TMEM114: variants seen among roughly 807,000 people sequenced by gnomAD.
The protein encoded by TMEM114 is claudin-26.
A neutral mutation model predicts 6.2 loss-of-function variants in TMEM114; 6 were observed. That is an observed-to-expected ratio of 0.97 (90% CI 0.53 to 1.91). The LOEUF (loss-of-function observed/expected upper bound fraction) is 1.91, where lower values mean the gene tolerates loss of function less well. TMEM114 is among the 40% of genes most tolerant of loss of function. TMEM114 has a pLI of 0.01. For missense variants in TMEM114, 218 were observed against 158.3 expected (o/e 1.38, Z -2.02); for synonymous variants, 104 against 73.0 (o/e 1.42, Z -2.16).
At position 8,584,377 on chromosome 16, in the gene TMEM114, A is replaced by G. The variant is rs530362781; in HGVS notation, c.301+4836T>C. On this transcript the variant is annotated intron_variant, in intron 2 of 3. Transcript: ENST00000620492. ...TTTGAAGACCTCCTTTCCACCAAAA[A>G]TAATTCCAGTCCCTAGCCCAAGAAA... Among the ~76,000 whole-genome samples the G allele has an allele frequency of 8.5e-5, 13 of 152,286 alleles. No homozygotes were observed. The East Asian group carries it at 1.5e-3, about 18-fold the overall frequency.
At chr16:8,579,028 G>T (rs1442880294) in intron 2 of TMEM114, among the ~76,000 whole-genome samples, 4 of 152,126 alleles carry the variant, frequency 2.6e-5, no homozygotes, top group African/African-American at 9.7e-5. Context: ...TTCATCAATG[G>T]TAAACGTGTG....
At chr16:8,528,368 G>A in the TMEM114 span, among the ~76,000 whole-genome samples, 1 of 152,064 alleles carries the variant, frequency 6.6e-6, no homozygotes, top group Non-Finnish European at 1.5e-5. Context: ...GATGTACCTG[G>A]CTCATGCACC....
chr16:8,562,526 T>TGAGTGAGTGAGCGAATGAGTGAGTGAGTG (rs1465142445), intron 2 of TMEM114, among the ~76,000 whole-genome samples: 1 of 127,142 alleles, frequency 7.9e-6, no homozygotes, highest in East Asian at 2.4e-4. Context: ...ATGAGTGAGT[T>TGAGTGAGTGAGCGAATGAGTGAGTGAGTG]AATGAGTGAG....
In TMEM114 at chr16:8,569,651, G is replaced by T; in HGVS notation, c.*122C>A. 2.1e-6 allele frequency: 3 copies of T among 1,441,090 alleles called. No homozygotes were observed. The South Asian group carries it at 4.4e-5, about 21-fold the overall frequency. 89.3% of individuals were successfully genotyped at this position (1,441,090 alleles called of 1,614,324 possible). On this transcript the variant is annotated 3_prime_UTR_variant, in exon 4 of 4. Transcript: ENST00000620492. ...AGTCCGCGGGGATTTGTGGGGGAAG[G>T]AGGGGGGTGCCTGGCCTCCCCGAGT...
chr16:8,572,017 G>T, intron 3 of TMEM114, 70 bp downstream of exon 3: 2 of 1,456,184 alleles, frequency 1.4e-6, no homozygotes, highest in East Asian at 2.5e-5. Context: ...TTTGCTGAGG[G>T]TTCATACACA....
chr16:8,572,082 C>T lies in TMEM114; in HGVS notation c.439+5G>A, dbSNP rs911652074. ...GCCAGAGCCCTAGGCAGGGTGGGCA[C>T]CTACCTCCAAAGAGGAAGAGAATTC... is the stretch of plus-strand genomic sequence containing the variant. On this transcript the variant is annotated splice_donor_5th_base_variant and intron_variant, in intron 3 of 3. Coordinates refer to ENST00000620492, the MANE Select transcript of TMEM114 (RefSeq NM_001146336.2). 6.5e-7 allele frequency: 1 copy of T among 1,540,148 alleles called. No individual in the cohort carries two copies. The highest frequency in any genetic ancestry group is 1.4e-5 in the African/African-American group (1 of 72,814).
At chr16:8,550,847 T>A (rs909649122) in intron 2 of TMEM114, among the ~76,000 whole-genome samples, 1 of 152,088 alleles carries the variant, frequency 6.6e-6, no homozygotes, top group African/African-American at 2.4e-5. Flanking sequence ...CACCCTGTGG[T>A]CCTCGCTGAA....
intron 2 of TMEM114, among the ~76,000 whole-genome samples, chr16:8,562,686 G>A (rs1234488887): frequency 6.8e-6 from 1 of 147,812 alleles, no homozygotes; most frequent in African/African-American, 2.5e-5. Flanking sequence ...ATGAGTGAGT[G>A]AGGGAATGAG....
At chr16:8,563,830 TGAGTGAGGGAGG>T in intron 2 of TMEM114, among the ~76,000 whole-genome samples, 1 of 136,850 alleles carries the variant, frequency 7.3e-6, no homozygotes, top group African/African-American at 2.8e-5. Flanking sequence ...AGTGAGTGAA[TGAGTGAGGGAGG>T]GAGGGAGGGA....
chr16:8,569,757 G>T lies in TMEM114; in HGVS notation c.*16C>A, dbSNP rs1036684849. ...GGCCAAGCCCCTCCCTCCCCTCCAC[G>T]ACCCAGCGCCCAGGCTCATATGGCC... On this transcript the variant is annotated 3_prime_UTR_variant, in exon 4 of 4. Coordinates refer to ENST00000620492, the MANE Select transcript of TMEM114 (RefSeq NM_001146336.2). 30 of 1,539,962 alleles carry T rather than the reference G, an allele frequency of 1.9e-5. No homozygotes were observed. The highest frequency in any genetic ancestry group is 2.4e-5 in the Non-Finnish European group (27 of 1,139,108).
intron 2 of TMEM114, among the ~76,000 whole-genome samples, chr16:8,550,514 A>T (rs1900806465): frequency 6.6e-6 from 1 of 152,020 alleles, no homozygotes; most frequent in Non-Finnish European, 1.5e-5. Context: ...CCCCATCTCT[A>T]CTAAAAATAC....
the TMEM114 span, chr16:8,526,724 C>A: frequency 6.6e-6 from 1 of 152,100 alleles, no homozygotes; most frequent in Non-Finnish European, 1.5e-5. Context: ...TATAAATTAC[C>A]CAGTCTCAAG....
At chr16:8,568,385 A>C (rs972598302), downstream of TMEM114, among the ~76,000 whole-genome samples, 29 of 151,856 alleles carry the variant, frequency 1.9e-4, no homozygotes, top group African/African-American at 7.0e-4. Context: ...GATGTCAGCT[A>C]TAATGATGAC....
At chr16:8,564,489 A>ATGAGTGAGTGAGTGAG (rs1901449065) in intron 2 of TMEM114, among the ~76,000 whole-genome samples, 1 of 96,968 alleles carries the variant, frequency 1.0e-5, no homozygotes, top group African/African-American at 4.8e-5. Context: ...GAGGGAATGA[A>ATGAGTGAGTGAGTGAG]TGAGTGAATG....
intron 2 of TMEM114, among the ~76,000 whole-genome samples, chr16:8,560,848 G>C (rs1244088998): frequency 3.3e-5 from 5 of 152,162 alleles, no homozygotes; most frequent in African/African-American, 7.2e-5. Context: ...TCCACTGTTG[G>C]TAAAGACATA....
chr16:8,551,232 C>G (rs1233114739), intron 2 of TMEM114, among the ~76,000 whole-genome samples: 2 of 152,114 alleles, frequency 1.3e-5, no homozygotes, highest in Non-Finnish European at 2.9e-5. Context: ...TTGTTAATTT[C>G]ATGAGGCAGG....
chr16:8,557,190 C>G (rs753124179), intron 2 of TMEM114, among the ~76,000 whole-genome samples: 1 of 152,166 alleles, frequency 6.6e-6, no homozygotes, highest in Non-Finnish European at 1.5e-5. Flanking sequence ...CCTTGTGAAT[C>G]AGAACAGGCT....
intron 2 of TMEM114, among the ~76,000 whole-genome samples, chr16:8,555,020 G>A (rs1046107937): frequency 5.3e-5 from 8 of 152,206 alleles, no homozygotes; most frequent in African/African-American, 1.7e-4. Flanking sequence ...GCAGCCTTCA[G>A]TACCAGGGCC....
chr16:8,563,665 ATAAG>A (rs1367796223), intron 2 of TMEM114, among the ~76,000 whole-genome samples: 5 of 144,376 alleles, frequency 3.5e-5, no homozygotes, highest in East Asian at 4.3e-4. Flanking sequence ...GAGTGAGCGA[ATAAG>A]TAAGTGAATG....
Sources: allele counts gnomAD v4.1 joint callset (sites outside exome capture counted in the v4.1 genomes callset), GRCh38; gene constraint gnomAD v4.1.1; transcripts MANE v1.5; gene names NCBI Gene and HGNC (gene_info 2026-07-23, HGNC 2026-07-21).